The following CSDE1 variants were observed in gnomAD, a reference collection of about 807,000 sequenced individuals.
The protein encoded by CSDE1 is cold shock domain containing E1.
CSDE1 carries 17 observed loss-of-function variants against 89.3 expected under a neutral mutation model. The ratio of observed to expected loss-of-function variants is 0.19; its 90% CI spans 0.13 to 0.29. The LOEUF is 0.29. CSDE1 is among the 10% of genes least tolerant of loss of function. The pLI, the probability that CSDE1 is intolerant of heterozygous loss-of-function variation, is 1.00. For synonymous variants in CSDE1, 322 were observed against 332.8 expected, an observed-to-expected ratio of 0.97 and a Z score of 0.35; for missense variants, 672 against 984.2, an observed-to-expected ratio of 0.68 and a Z score of 4.24.
At chr1:114,720,481 G>C in intron 17 of CSDE1, 58 bp downstream of exon 17, 1 of 1,416,588 alleles carries the variant, frequency 7.1e-7, no homozygotes, top group Non-Finnish European at 9.5e-7. Context: ...ATATTTGAAG[G>C]TTTTGGTTAC....
At chr1:114,720,157 G>C (rs181229749) in intron 17 of CSDE1, 2 of 213,778 alleles carry the variant, frequency 9.4e-6, no homozygotes, top group Admixed American at 1.1e-4. Context: ...TCAGGAGTAA[G>C]ACTAAGTTTG....
intron 1 of CSDE1, among the ~76,000 whole-genome samples, chr1:114,754,350 G>A (rs1661475002): frequency 6.6e-6 from 1 of 152,194 alleles, no homozygotes; most frequent in Non-Finnish European, 1.5e-5. Context: ...CCTAGCATAA[G>A]CCATGACATA....
chr1:114,749,064 C>T (rs1185533163), intron 2 of CSDE1, among the ~76,000 whole-genome samples: 2 of 152,168 alleles, frequency 1.3e-5, no homozygotes, highest in Non-Finnish European at 2.9e-5. Flanking sequence ...TTTCACGTAG[C>T]CCTGAATCTG....
intron 16 of CSDE1, among the ~76,000 whole-genome samples, chr1:114,721,743 G>C (rs1415947900): frequency 6.6e-6 from 1 of 152,016 alleles, no homozygotes; most frequent in African/African-American, 2.4e-5. Context: ...CACACACCAT[G>C]ACTGGCTAAT....
At chr1:114,731,062 G>A (rs1289286344) in intron 10 of CSDE1, among the ~76,000 whole-genome samples, 2 of 151,362 alleles carry the variant, frequency 1.3e-5, no homozygotes, top group African/African-American at 4.8e-5. Flanking sequence ...GCCCAGGAAA[G>A]AGTTAAAATT....
At chr1:114,736,613 G>C (rs1009508330) in intron 6 of CSDE1, 145 bp downstream of exon 6, 3 of 570,322 alleles carry the variant, frequency 5.3e-6, no homozygotes, top group Non-Finnish European at 9.4e-6. Flanking sequence ...AATATTCATA[G>C]ACCTCAAAGC....
At chr1:114,757,815 T>G (rs1428181614) in intron 1 of CSDE1, 110 bp downstream of exon 1, 1 of 152,760 alleles carries the variant, frequency 6.5e-6, no homozygotes, top group Non-Finnish European at 1.5e-5. Context: ...CACCTAGAGC[T>G]CTACGAGTGC....
chr1:114,737,940 C>T (rs1660493485), intron 4 of CSDE1, 23 bp downstream of exon 4: 1 of 1,524,732 alleles, frequency 6.6e-7, no homozygotes, highest in Admixed American at 1.7e-5. Context: ...CCTAAAAAAA[C>T]ACAAAGCATC....
chr1:114,733,967 T>C, intron 8 of CSDE1, 22 bp downstream of exon 8: 1 of 1,607,650 alleles, frequency 6.2e-7, no homozygotes, highest in Non-Finnish European at 8.5e-7. Flanking sequence ...AGGCCAAAGA[T>C]CAAGTTAACT....
chr1:114,757,437 G>C (rs951137819), intron 1 of CSDE1, among the ~76,000 whole-genome samples: 1 of 152,080 alleles, frequency 6.6e-6, no homozygotes, highest in East Asian at 1.9e-4. Flanking sequence ...AGTCAAAGTA[G>C]GCCCCTCTTC....
intron 10 of CSDE1, among the ~76,000 whole-genome samples, chr1:114,731,837 G>A (rs1379918113): frequency 6.6e-6 from 1 of 152,066 alleles, no homozygotes; most frequent in Non-Finnish European, 1.5e-5. Flanking sequence ...ATTTTTTTGA[G>A]ACAGTCTTCC....
rs1214795391 is a variant in CSDE1 at position 114,750,120 on chromosome 1, TGTTA to T, written c.-304_-301del. On this transcript the variant is annotated 5_prime_UTR_variant, in exon 2 of 20. Transcript: ENST00000358528. ...ACTTAAGTGTACTCTTCTTTGGTCT[TGTTA>T]GTTGTTACGAGGTTTGTTCCTTGCC... The T allele has an allele frequency of 6.5e-6, 1 of 152,688 alleles. No homozygotes were observed. The highest frequency in any genetic ancestry group is 1.5e-5 in the Non-Finnish European group (1 of 68,052). 9.5% of individuals were successfully genotyped at this position (152,688 alleles called of 1,614,324 possible).
At chr1:114,736,311 T>C (rs1032723336) in intron 6 of CSDE1, among the ~76,000 whole-genome samples, 1 of 152,106 alleles carries the variant, frequency 6.6e-6, no homozygotes, top group South Asian at 2.1e-4. Context: ...TCTAAACCAA[T>C]CACACTTCCT....
chr1:114,723,775 AG>A (rs1436452174), intron 16 of CSDE1, 107 bp downstream of exon 16: 33 of 1,480,582 alleles, frequency 2.2e-5, no homozygotes, highest in Non-Finnish European at 3.1e-5. Flanking sequence ...TCCTTAATTC[AG>A]TTTTAAACCT....
chr1:114,747,982 T>A (rs936382924), intron 2 of CSDE1, among the ~76,000 whole-genome samples: 6 of 152,234 alleles, frequency 3.9e-5, no homozygotes, highest in Admixed American at 1.3e-4. Context: ...AATTATTTTT[T>A]AAAAATCAGC....
At chr1:114,755,970 TC>T (rs1661574142) in intron 1 of CSDE1, among the ~76,000 whole-genome samples, 1 of 152,206 alleles carries the variant, frequency 6.6e-6, no homozygotes, top group Non-Finnish European at 1.5e-5. Flanking sequence ...TTATGAATGC[TC>T]CAGCATAATT....
chr1:114,749,617 T>C (rs1312132947), intron 2 of CSDE1, among the ~76,000 whole-genome samples: 1 of 152,224 alleles, frequency 6.6e-6, no homozygotes, highest in African/African-American at 2.4e-5. Flanking sequence ...CATGTATTAA[T>C]ATAATCTGGT....
At chr1:114,737,938 AAC>A (rs749540442) in intron 4 of CSDE1, 23 bp downstream of exon 4, 11 of 1,517,540 alleles carry the variant, frequency 7.2e-6, no homozygotes, top group Admixed American at 6.7e-5. Context: ...GCCCTAAAAA[AAC>A]ACAAAGCATC....
At chr1:114,725,524 C>T (rs914610991) in intron 14 of CSDE1, among the ~76,000 whole-genome samples, 191 bp from the exon 15 acceptor site, 2 of 152,172 alleles carry the variant, frequency 1.3e-5, no homozygotes, top group African/African-American at 4.8e-5. Flanking sequence ...TTATCCCTAA[C>T]TTCAGGATAA....
Sources: allele counts gnomAD v4.1 joint callset (sites outside exome capture counted in the v4.1 genomes callset), GRCh38; gene constraint gnomAD v4.1.1; transcripts MANE v1.5; gene names NCBI Gene and HGNC (gene_info 2026-07-23, HGNC 2026-07-21).